The following EZH1 variants were observed in gnomAD, a reference collection of about 807,000 sequenced individuals.
EZH1 encodes histone-lysine N-methyltransferase EZH1.
Under a neutral mutation model 100.5 loss-of-function variants are expected in EZH1, and 33 were observed. The ratio of observed to expected loss-of-function variants is 0.33; its 90% CI spans 0.25 to 0.44. EZH1 has a LOEUF of 0.44. Among genes scored for constraint, EZH1 ranks in the 20% least tolerant of loss-of-function variants. The pLI is 1.00. For missense variants in EZH1, 475 were observed against 928.4 expected (o/e 0.51, Z 6.35); for synonymous variants, 272 against 313.8 (o/e 0.87, Z 1.41).
At chr17:42,719,511 C>A (rs559853989) in intron 7 of EZH1, among the ~76,000 whole-genome samples, 1 of 152,098 alleles carries the variant, frequency 6.6e-6, no homozygotes, top group Non-Finnish European at 1.5e-5. Flanking sequence ...CCGAGGGGAG[C>A]GGATCACTTG....
At chr17:42,724,590 A>G in intron 4 of EZH1, 166 bp from the exon 5 acceptor site, 1 of 621,910 alleles carries the variant, frequency 1.6e-6, no homozygotes, top group Non-Finnish European at 2.7e-6. Flanking sequence ...GAGACCAGCC[A>G]GGCCAACATG....
rs1424722500 is a variant in EZH1 at position 42,706,822 on chromosome 17, GT to G, written c.1661-638del. Among the ~76,000 whole-genome samples the G allele has an allele frequency of 6.6e-6, 1 of 152,108 alleles. No individual in the cohort carries two copies. The highest frequency in any genetic ancestry group is 1.5e-5 in the Non-Finnish European group (1 of 68,026). On this transcript the variant is annotated intron_variant, in intron 15 of 20. Transcript: ENST00000428826. This position sits in a 1 kb window ranked among gnomAD's most constrained non-coding sequence, Gnocchi z 4.4. The stretch of plus-strand genomic sequence containing the variant: ...AATATGAAATCAGTGTGTTTCACTG[GT>G]AAATTGTCACCATCAAAACAAGTAT...
At chr17:42,724,058 C>A (rs1029776362) in intron 5 of EZH1, among the ~76,000 whole-genome samples, 2 of 152,014 alleles carry the variant, frequency 1.3e-5, no homozygotes, top group Non-Finnish European at 2.9e-5. Context: ...AAATCTTGCC[C>A]AATATTATTC....
chr17:42,720,936 C>T (rs1023030421), intron 6 of EZH1, among the ~76,000 whole-genome samples: 2 of 152,142 alleles, frequency 1.3e-5, no homozygotes, highest in African/African-American at 4.8e-5. Context: ...CAGGTGTGAC[C>T]CACCGTGCCC....
intron 6 of EZH1, 131 bp downstream of exon 6, chr17:42,722,664 G>T: frequency 1.1e-5 from 8 of 752,814 alleles, no homozygotes; most frequent in Non-Finnish European, 1.6e-5. Flanking sequence ...CCAGCCATGT[G>T]ATGACATTGA....
chr17:42,715,955 G>A (rs2053595279), intron 10 of EZH1, among the ~76,000 whole-genome samples: 1 of 151,650 alleles, frequency 6.6e-6, no homozygotes, highest in African/African-American at 2.4e-5. Context: ...GCTGAGGCAG[G>A]AGAATCGTTT....
chr17:42,708,753 G>A (rs996966609), intron 14 of EZH1, 123 bp downstream of exon 14: 43 of 1,039,530 alleles, frequency 4.1e-5, no homozygotes, highest in Non-Finnish European at 6.0e-5. Flanking sequence ...AGTTGCTGCA[G>A]AGAATTCTGC....
chr17:42,730,467 G>A (rs1005459450), intron 2 of EZH1, among the ~76,000 whole-genome samples: 2 of 129,132 alleles, frequency 1.5e-5, no homozygotes, highest in South Asian at 2.6e-4. Flanking sequence ...AAGGTTCAAC[G>A]TTTTAAAGAA....
Position 42,742,245 on chromosome 17 carries a change from C to T in EZH1, c.-103+2766G>A, listed in dbSNP as rs543099046. On this transcript the variant is annotated intron_variant, in intron 1 of 20. Transcript: ENST00000428826. Reference sequence around the variant, plus strand: ...GCAACTTCCCACTCCCAAGTTCAAGCGATTCTCCCACCTCTGTCTCCCAAG... The same window carrying T: ...GCAACTTCCCACTCCCAAGTTCAAGTGATTCTCCCACCTCTGTCTCCCAAG... Among the ~76,000 whole-genome samples, 43 of 151,806 alleles carry T rather than the reference C, an allele frequency of 2.8e-4. 1 individual carries two copies. The highest frequency in any genetic ancestry group is 1.1e-3 in the Admixed American group (17 of 15,220).
At chr17:42,708,185 C>T (rs908515941) in intron 14 of EZH1, 102 bp from the exon 15 acceptor site, 2 of 1,409,100 alleles carry the variant, frequency 1.4e-6, no homozygotes, top group African/African-American at 2.9e-5. Context: ...CTGGTCCTAA[C>T]AATCTCCTTG....
At chr17:42,722,982 G>A (rs1045512608) in intron 5 of EZH1, 67 bp from the exon 6 acceptor site, 29 of 1,541,712 alleles carry the variant, frequency 1.9e-5, no homozygotes, top group Non-Finnish European at 2.5e-5. Context: ...CTATTTAGTG[G>A]AATCTTTGCT....
intron 7 of EZH1, 65 bp downstream of exon 7, chr17:42,720,208 C>G: frequency 3.3e-6 from 5 of 1,521,960 alleles, no homozygotes; most frequent in Non-Finnish European, 4.4e-6. Flanking sequence ...CAAATCTTTC[C>G]AGTTCTTCCT....
chr17:42,713,656 G>A (rs1376224837), intron 10 of EZH1, among the ~76,000 whole-genome samples: 1 of 152,100 alleles, frequency 6.6e-6, no homozygotes, highest in African/African-American at 2.4e-5. Context: ...AGGATGGAGT[G>A]CAGAGGCCTG....
At chr17:42,743,674 T>C (rs1385228331) in intron 1 of EZH1, among the ~76,000 whole-genome samples, 1 of 150,918 alleles carries the variant, frequency 6.6e-6, no homozygotes, top group African/African-American at 2.4e-5. Flanking sequence ...TATTGTTGCC[T>C]GAGCTGGTCC....
Position 42,712,358 on chromosome 17 carries a change from G to A in EZH1, c.1332C>T (p.Val444=). Residue 444 remains valine, a synonymous_variant, in exon 12 of 21, where the codon GTC becomes GTT. Transcript: ENST00000428826. ...AGTTGTTGAAGTAGGTGCCATGGAA[G>A]ACTCGAAAAAGAGATTCTTCAGCCC... ...WTGAEESLFR[V]FHGTYFNNFC... is the part of the protein sequence containing the mutation. The A allele has an allele frequency of 6.2e-7, 1 of 1,614,184 alleles. No individual in the cohort carries two copies. Among genetic ancestry groups the A allele is most frequent in the East Asian group, 2.2e-5 (1 of 44,892 alleles).
intron 10 of EZH1, 145 bp downstream of exon 10, chr17:42,717,831 C>T (rs969594945): frequency 2.9e-5 from 19 of 649,764 alleles, no homozygotes; most frequent in African/African-American, 1.5e-4. Context: ...TCCTTAAGAG[C>T]GGTCCCACAG....
intron 20 of EZH1, 85 bp downstream of exon 20, chr17:42,702,792 C>A: frequency 1.4e-6 from 2 of 1,454,596 alleles, no homozygotes; most frequent in Non-Finnish European, 1.9e-6. Context: ...ATCTCCATTA[C>A]CCTCCCTGAG....
At chr17:42,723,340 A>T (rs2053753312) in intron 5 of EZH1, among the ~76,000 whole-genome samples, 1 of 150,686 alleles carries the variant, frequency 6.6e-6, no homozygotes, top group Non-Finnish European at 1.5e-5. Flanking sequence ...GCGCCACTGT[A>T]CTCCAGCCTG....
chr17:42,726,212 TC>T (rs2053817428), intron 4 of EZH1, among the ~76,000 whole-genome samples: 1 of 122,970 alleles, frequency 8.1e-6, no homozygotes, highest in Non-Finnish European at 1.7e-5. Context: ...AGAGACAGTC[TC>T]TTTTTTTTTT....
Sources: gnomAD v4.1 joint callset for allele counts (sites outside exome capture counted in the v4.1 genomes callset) on GRCh38, gnomAD v4.1.1 for gene constraint, Gnocchi (gnomAD v3.1) non-coding constraint, MANE v1.5 for transcripts, NCBI Gene and HGNC (gene_info 2026-07-23, HGNC 2026-07-21) for gene names.